ARHGAP26: variants seen among roughly 807,000 people sequenced by gnomAD.
ARHGAP26 encodes the protein rho GTPase-activating protein 26.
A neutral mutation model predicts 104.8 loss-of-function variants in ARHGAP26; 38 were observed. The ratio of observed to expected loss-of-function variants is 0.36; its 90% CI spans 0.28 to 0.48. The LOEUF (loss-of-function observed/expected upper bound fraction) is 0.48, where lower values mean the gene tolerates loss of function less well. Among genes scored for constraint, ARHGAP26 ranks in the 20% least tolerant of loss-of-function variants. ARHGAP26 has a pLI of 0.99. For missense variants in ARHGAP26, 704 were observed against 947.9 expected, an observed-to-expected ratio of 0.74 and a Z score of 3.38; for synonymous variants, 341 against 340.0, an observed-to-expected ratio of 1.00 and a Z score of -0.03.
At chr5:142,906,387 A>G (rs1417994808) in intron 8 of ARHGAP26, among the ~76,000 whole-genome samples, 1 of 152,204 alleles carries the variant, frequency 6.6e-6, no homozygotes, top group Non-Finnish European at 1.5e-5. Context: ...GCTGATCTTT[A>G]CTATGATGGT....
intron 1 of ARHGAP26, among the ~76,000 whole-genome samples, chr5:142,786,300 A>G (rs1053455568): frequency 2.0e-5 from 3 of 151,788 alleles, no homozygotes; most frequent in Admixed American, 2.0e-4. Context: ...TTTTTTAAAA[A>G]GTTAATTTCT....
chr5:142,848,443 C>T (rs1437931518), intron 1 of ARHGAP26, among the ~76,000 whole-genome samples: 1 of 152,216 alleles, frequency 6.6e-6, no homozygotes, highest in African/African-American at 2.4e-5. Context: ...GTCCCATTTT[C>T]CTCCTTTACT....
At chr5:142,972,911 GTTA>G (rs1011187718) in intron 11 of ARHGAP26, among the ~76,000 whole-genome samples, 5 of 149,226 alleles carry the variant, frequency 3.4e-5, no homozygotes, top group Admixed American at 6.7e-5. Flanking sequence ...ATGCAATATT[GTTA>G]TTATTTTAAT....
intron 19 of ARHGAP26, among the ~76,000 whole-genome samples, chr5:143,140,642 A>G (rs959481082): frequency 2.0e-5 from 3 of 150,986 alleles, no homozygotes; most frequent in African/African-American, 4.9e-5. Flanking sequence ...AGAGGCCCAT[A>G]TGTGAGGGAA....
At position 142,849,517 on chromosome 5, in the gene ARHGAP26, A is replaced by G. The variant is rs115623018; in HGVS notation, c.155-23883A>G. ...ACAGTGTGCTCTCCATGCTTCATTC[A>G]TCCCCTTCTGAACGTCCCTTCCTTG... On this transcript the variant is annotated intron_variant, in intron 1 of 22. Coordinates refer to ENST00000645722, the MANE Select transcript of ARHGAP26 (RefSeq NM_001135608.3). 6.6e-3 allele frequency among the ~76,000 whole-genome samples: 1,009 copies of G among 152,176 alleles called. 11 individuals are homozygous for G. The highest frequency in any genetic ancestry group is 0.023 in the African/African-American group (955 of 41,518).
chr5:142,949,199 GAGAGAGAGAGAGAGA>G (rs1319578544), intron 11 of ARHGAP26, among the ~76,000 whole-genome samples: 8 of 33,740 alleles, frequency 2.4e-4, no homozygotes, highest in African/African-American at 1.0e-3. Flanking sequence ...GAGAGAGAGA[GAGAGAGAGAGAGAGA>G]GAGAGAGGAG....
chr5:143,023,820 C>T (rs1180239167), intron 12 of ARHGAP26, among the ~76,000 whole-genome samples: 2 of 152,240 alleles, frequency 1.3e-5, no homozygotes, highest in Non-Finnish European at 2.9e-5. Flanking sequence ...CAGGTCTGAG[C>T]TGATAGAGGA....
intron 11 of ARHGAP26, among the ~76,000 whole-genome samples, chr5:142,982,265 G>T (rs932619004): frequency 1.3e-5 from 2 of 152,216 alleles, no homozygotes; most frequent in African/African-American, 4.8e-5. Flanking sequence ...AGGCAAACTC[G>T]CTTTGGAGCA....
chr5:143,214,785 C>G (rs1387362596), intron 22 of ARHGAP26, among the ~76,000 whole-genome samples: 1 of 152,230 alleles, frequency 6.6e-6, no homozygotes, highest in African/African-American at 2.4e-5. Flanking sequence ...TCTCCCAGGT[C>G]ACACTCAACC....
chr5:142,888,790 A>C (rs1758077589), intron 5 of ARHGAP26, among the ~76,000 whole-genome samples: 1 of 152,248 alleles, frequency 6.6e-6, no homozygotes, highest in African/African-American at 2.4e-5. Context: ...CGCTTCTGTA[A>C]AAGTCTGTCC....
chr5:143,081,450 T>A (rs1017326290), intron 17 of ARHGAP26, among the ~76,000 whole-genome samples: 3 of 152,350 alleles, frequency 2.0e-5, no homozygotes, highest in African/African-American at 7.2e-5. Flanking sequence ...CAATGACCTA[T>A]GTTTTCCATT....
At chr5:143,067,524 A>G (rs1787673391) in intron 17 of ARHGAP26, among the ~76,000 whole-genome samples, 1 of 152,150 alleles carries the variant, frequency 6.6e-6, no homozygotes, top group African/African-American at 2.4e-5. Flanking sequence ...AGGGGGTTTG[A>G]ATTTTGGTAT....
chr5:142,970,244 C>T (rs1353473578), intron 11 of ARHGAP26, among the ~76,000 whole-genome samples: 1 of 152,186 alleles, frequency 6.6e-6, no homozygotes, highest in African/African-American at 2.4e-5. Context: ...CCAGTTTCTG[C>T]CCTTTAAGGG....
chr5:142,798,324 T>C (rs1284604931), intron 1 of ARHGAP26, among the ~76,000 whole-genome samples: 1 of 152,236 alleles, frequency 6.6e-6, no homozygotes, highest in Non-Finnish European at 1.5e-5. Flanking sequence ...CTGTGGTACA[T>C]GCAGTGCCCT....
At chr5:143,071,920 A>G (rs999992967) in intron 17 of ARHGAP26, among the ~76,000 whole-genome samples, 2 of 152,186 alleles carry the variant, frequency 1.3e-5, no homozygotes, top group Non-Finnish European at 1.5e-5. Context: ...ACAAACAAAC[A>G]AACAAAAATT....
intron 20 of ARHGAP26, among the ~76,000 whole-genome samples, chr5:143,160,198 T>G (rs898136156): frequency 3.3e-5 from 5 of 151,890 alleles, no homozygotes; most frequent in African/African-American, 1.2e-4. Flanking sequence ...TAGCTGGGAC[T>G]ACAGGTGCCC....
intron 17 of ARHGAP26, among the ~76,000 whole-genome samples, chr5:143,117,475 G>A (rs1795619300): frequency 6.6e-6 from 1 of 152,132 alleles, no homozygotes; most frequent in Non-Finnish European, 1.5e-5. Context: ...ATCAAGTGAT[G>A]GATCAATTTA....
intron 18 of ARHGAP26, among the ~76,000 whole-genome samples, chr5:143,122,601 A>G (rs567953553): frequency 2.6e-5 from 4 of 152,368 alleles, no homozygotes; most frequent in African/African-American, 7.2e-5. Flanking sequence ...TAGAATGAAT[A>G]TTCCAGGAGC....
At chr5:143,014,030 A>T (rs201200878) in intron 11 of ARHGAP26, 50 bp from the exon 12 acceptor site, 90 of 1,574,538 alleles carry the variant, frequency 5.7e-5, no homozygotes, top group Non-Finnish European at 7.4e-5. Flanking sequence ...CAGTGAACCT[A>T]TAGGGTGGCA....
Sources: allele counts gnomAD v4.1 joint callset (sites outside exome capture counted in the v4.1 genomes callset), GRCh38; gene constraint gnomAD v4.1.1; transcripts MANE v1.5; gene names NCBI Gene and HGNC (gene_info 2026-07-23, HGNC 2026-07-21).